The following LINGO2 variants were observed in gnomAD, a reference collection of about 807,000 sequenced individuals.
LINGO2 encodes the protein leucine-rich repeat and immunoglobulin-like domain-containing nogo receptor-interacting protein 2.
A neutral mutation model predicts 30.6 loss-of-function variants in LINGO2; 14 were observed. That is an observed-to-expected ratio of 0.46 (90% CI 0.30 to 0.72). The LOEUF (loss-of-function observed/expected upper bound fraction) is 0.72, where lower values mean the gene tolerates loss of function less well. LINGO2 is among the 30% of genes least tolerant of loss of function. LINGO2 has a pLI of 0.07. For missense variants in LINGO2, 729 were observed against 751.7 expected (o/e 0.97, Z 0.35); for synonymous variants, 317 against 288.5 (o/e 1.10, Z -1.00).
At chr9:28,753,487 A>G in the LINGO2 span, among the ~76,000 whole-genome samples, 1 of 152,074 alleles carries the variant, frequency 6.6e-6, no homozygotes, top group African/African-American at 2.4e-5. Context: ...ATCCTAAATC[A>G]GAGCAGTTAA....
the LINGO2 span, among the ~76,000 whole-genome samples, chr9:29,125,027 T>C: frequency 1.3e-5 from 2 of 152,116 alleles, no homozygotes; most frequent in Non-Finnish European, 2.9e-5. Context: ...CCATCAATGA[T>C]AGACTGGATA....
chr9:28,938,412 T>A, the LINGO2 span, among the ~76,000 whole-genome samples: 5 of 152,194 alleles, frequency 3.3e-5, no homozygotes, highest in African/African-American at 1.2e-4. Flanking sequence ...TTTCTCTCTC[T>A]CCTTTTACAT....
At chr9:28,343,550 C>T (rs1484173157) in intron 3 of LINGO2, among the ~76,000 whole-genome samples, 2 of 152,146 alleles carry the variant, frequency 1.3e-5, no homozygotes, top group Non-Finnish European at 2.9e-5. Context: ...GATAAAAGTA[C>T]TCTTGGGACT....
the LINGO2 span, among the ~76,000 whole-genome samples, chr9:28,930,820 C>A: frequency 6.6e-6 from 1 of 152,144 alleles, no homozygotes; most frequent in Non-Finnish European, 1.5e-5. The surrounding 1 kb of genome is among the most constrained non-coding windows in gnomAD (Gnocchi z 4.2). Flanking sequence ...TAGCCCAGTT[C>A]CCTTTTACCA....
chr9:29,118,082 A>G, the LINGO2 span, among the ~76,000 whole-genome samples: 1 of 152,182 alleles, frequency 6.6e-6, no homozygotes, highest in Non-Finnish European at 1.5e-5. Context: ...AAATGGCCAC[A>G]AAACAAACAT....
chr9:28,508,439 C>T, intron 1 of LINGO2, among the ~76,000 whole-genome samples: 1 of 152,064 alleles, frequency 6.6e-6, no homozygotes, highest in East Asian at 1.9e-4. Context: ...AAAGAAAACT[C>T]ATCTTAAGTT....
chr9:28,397,370 T>TAC (rs555147252), intron 2 of LINGO2, among the ~76,000 whole-genome samples: 12 of 113,844 alleles, frequency 1.1e-4, no homozygotes, highest in East Asian at 4.2e-4. Context: ...TATATATATA[T>TAC]ATACATATAT....
chr9:28,844,160 G>C, the LINGO2 span, among the ~76,000 whole-genome samples: 77,897 of 151,478 alleles, frequency 0.51, 20,755 homozygotes, highest in Middle Eastern at 0.67. Context: ...TCAGGAGTTC[G>C]AGACTAGCCT....
intron 4 of LINGO2, among the ~76,000 whole-genome samples, chr9:28,150,535 G>T (rs1286491742): frequency 6.6e-6 from 1 of 152,136 alleles, no homozygotes; most frequent in Non-Finnish European, 1.5e-5. Flanking sequence ...AGTGAGCCGA[G>T]ATCGCACCAC....
In LINGO2 at chr9:28,545,405, T is replaced by C. The variant is rs75950976; in HGVS notation, c.-364-69380A>G. On this transcript the variant is annotated intron_variant, in intron 1 of 5. Transcript: ENST00000379992. ...AATATGAACTGGCCCAATTAAAATA[T>C]ATCTGCTGGATGGTTACCCATTTGC... 5.3e-5 allele frequency among the ~76,000 whole-genome samples: 8 copies of C among 152,210 alleles called. No homozygotes were observed. The East Asian group carries it at 1.5e-3, about 29-fold the overall frequency.
intron 4 of LINGO2, among the ~76,000 whole-genome samples, chr9:28,253,405 A>T (rs1415571011): frequency 6.6e-6 from 1 of 152,180 alleles, no homozygotes; most frequent in East Asian, 1.9e-4. Context: ...AGGCTGCTGC[A>T]TACCAATTAT....
intron 1 of LINGO2, among the ~76,000 whole-genome samples, chr9:28,561,870 A>T (rs1056778403): frequency 1.3e-5 from 2 of 150,570 alleles, no homozygotes; most frequent in Non-Finnish European, 3.0e-5. Flanking sequence ...TTACACAGTG[A>T]GGATGAAGCA....
rs1428058118 is a variant in LINGO2, at chr9:28,063,818, G to A, written c.-86-51413C>T. 2.0e-5 allele frequency among the ~76,000 whole-genome samples: 3 copies of A among 152,214 alleles called. No homozygotes were observed. In the East Asian group the frequency reaches 5.8e-4, roughly 29 times the overall value. Reference sequence around the variant, plus strand: ...GGACACTTCTACATGCAACAGAAATGCTTCATTATAATTGATATTGTGGTT... The same window carrying A: ...GGACACTTCTACATGCAACAGAAATACTTCATTATAATTGATATTGTGGTT... On this transcript the variant is annotated intron_variant, in intron 4 of 5. Coordinates refer to ENST00000379992, the Ensembl canonical transcript of LINGO2.
At chr9:28,942,373 A>T in the LINGO2 span, among the ~76,000 whole-genome samples, 1 of 152,172 alleles carries the variant, frequency 6.6e-6, no homozygotes, top group African/African-American at 2.4e-5. Context: ...AGAGTAAGTG[A>T]TGGGGGTGCC....
chr9:28,884,250 C>G, the LINGO2 span, among the ~76,000 whole-genome samples: 1 of 151,696 alleles, frequency 6.6e-6, no homozygotes, highest in Non-Finnish European at 1.5e-5. Flanking sequence ...GCTCTTTTTT[C>G]CAAAGATGGA....
At chr9:28,122,989 T>C (rs1393732362) in intron 4 of LINGO2, among the ~76,000 whole-genome samples, 2 of 152,254 alleles carry the variant, frequency 1.3e-5, no homozygotes, top group African/African-American at 2.4e-5. Flanking sequence ...CTATTTCTTT[T>C]ATGTTTTTGT....
the LINGO2 span, among the ~76,000 whole-genome samples, chr9:29,109,774 G>C: frequency 2.0e-5 from 3 of 152,198 alleles, no homozygotes; most frequent in East Asian, 5.8e-4. Context: ...CATTAGAGAA[G>C]TATTAGCTAA....
At chr9:28,592,547 G>A (rs1824967923) in intron 1 of LINGO2, among the ~76,000 whole-genome samples, 1 of 152,064 alleles carries the variant, frequency 6.6e-6, no homozygotes. Context: ...TTATGTTGAA[G>A]CACAGCTGAA....
At chr9:28,598,418 C>CA (rs766825127) in intron 1 of LINGO2, among the ~76,000 whole-genome samples, 28,121 of 108,262 alleles carry the variant, frequency 0.26, 3,236 homozygotes, top group Admixed American at 0.29. Context: ...TTCTCCATAT[C>CA]AAAAAAAAAA....
Sources: allele counts gnomAD v4.1 joint callset (sites outside exome capture counted in the v4.1 genomes callset), GRCh38; gene constraint gnomAD v4.1.1; non-coding constraint Gnocchi (gnomAD v3.1); transcripts MANE v1.5; gene names NCBI Gene and HGNC (gene_info 2026-07-23, HGNC 2026-07-21).